KCNH7: variants seen among roughly 807,000 people sequenced by gnomAD.
The protein encoded by KCNH7 is potassium voltage-gated channel subfamily H member 7.
KCNH7 carries 49 observed loss-of-function variants against 120.8 expected under a neutral mutation model. That is an observed-to-expected ratio of 0.41 (90% CI 0.32 to 0.51). The LOEUF (loss-of-function observed/expected upper bound fraction) is 0.51, where lower values mean the gene tolerates loss of function less well. Ranked by LOEUF, KCNH7 falls within the 20% of genes least tolerant of loss-of-function variation. KCNH7 has a pLI of 0.38. For synonymous variants in KCNH7, 547 were observed against 516.1 expected, an observed-to-expected ratio of 1.06 and a Z score of -0.81; for missense variants, 1,097 against 1,446.6, an observed-to-expected ratio of 0.76 and a Z score of 3.92.
At chr2:162,674,782 C>G (rs1327804345) in intron 2 of KCNH7, among the ~76,000 whole-genome samples, 1 of 151,462 alleles carries the variant, frequency 6.6e-6, no homozygotes, top group Admixed American at 6.6e-5. Flanking sequence ...TCTATATATA[C>G]TTCAAAGCAC....
chr2:162,733,419 A>T (rs1042127181), intron 2 of KCNH7, among the ~76,000 whole-genome samples: 2 of 152,212 alleles, frequency 1.3e-5, no homozygotes, highest in African/African-American at 4.8e-5. Flanking sequence ...GAACTGGGAA[A>T]TATACCACAT....
chr2:162,670,940 CAT>C (rs951688778), intron 2 of KCNH7, among the ~76,000 whole-genome samples: 9 of 150,826 alleles, frequency 6.0e-5, no homozygotes, highest in African/African-American at 2.2e-4. Context: ...CAAAAGAAGA[CAT>C]ATAAGTGGCC....
At chr2:162,484,546 T>A (rs1690030602) in intron 6 of KCNH7, among the ~76,000 whole-genome samples, 1 of 152,164 alleles carries the variant, frequency 6.6e-6, no homozygotes, top group Admixed American at 6.5e-5. Context: ...AACTTATTCA[T>A]ACAATGTGCA....
At chr2:162,517,346 C>T (rs1691340071) in intron 4 of KCNH7, among the ~76,000 whole-genome samples, 1 of 151,830 alleles carries the variant, frequency 6.6e-6, no homozygotes, top group Non-Finnish European at 1.5e-5. Context: ...AACTAGCCCT[C>T]TGATGGCACA....
intron 2 of KCNH7, among the ~76,000 whole-genome samples, chr2:162,712,171 G>A (rs1167930782): frequency 6.6e-6 from 1 of 152,060 alleles, no homozygotes; most frequent in Non-Finnish European, 1.5e-5. Flanking sequence ...TGAATTCTTG[G>A]CATCTTTAGA....
chr2:162,700,128 G>C (rs1559088306), intron 2 of KCNH7, among the ~76,000 whole-genome samples: 1 of 151,994 alleles, frequency 6.6e-6, no homozygotes, highest in Non-Finnish European at 1.5e-5. Context: ...GGAAAACTTT[G>C]AGTGCTCCTC....
intron 2 of KCNH7, among the ~76,000 whole-genome samples, chr2:162,644,300 T>G (rs758576487): frequency 9.8e-5 from 15 of 152,316 alleles, no homozygotes; most frequent in Non-Finnish European, 1.9e-4. Flanking sequence ...TTTTAGTACA[T>G]TAAAGTTTTT....
At chr2:162,807,436 C>CA (rs1475025211) in intron 2 of KCNH7, among the ~76,000 whole-genome samples, 1 of 151,732 alleles carries the variant, frequency 6.6e-6, no homozygotes, top group Non-Finnish European at 1.5e-5. Context: ...GACTCTGTCT[C>CA]AAAAAACAAG....
chr2:162,466,940 T>A (rs1242805130), intron 6 of KCNH7, among the ~76,000 whole-genome samples: 3 of 152,180 alleles, frequency 2.0e-5, no homozygotes, highest in Non-Finnish European at 4.4e-5. Context: ...ATCAATGTAG[T>A]CAACCTTTGC....
chr2:162,372,582 A>G (rs1685995464), intron 15 of KCNH7, among the ~76,000 whole-genome samples: 1 of 147,986 alleles, frequency 6.8e-6, no homozygotes, highest in African/African-American at 2.7e-5. Flanking sequence ...AACTAGTTAA[A>G]TTAATTTCTA....
intron 2 of KCNH7, among the ~76,000 whole-genome samples, chr2:162,548,972 T>C (rs1219450782): frequency 6.6e-6 from 1 of 152,166 alleles, no homozygotes; most frequent in Non-Finnish European, 1.5e-5. Context: ...CCAATATTGA[T>C]TAACTGGGGA....
intron 9 of KCNH7, among the ~76,000 whole-genome samples, chr2:162,411,835 C>T (rs1348009770): frequency 6.6e-6 from 1 of 151,314 alleles, no homozygotes; most frequent in Non-Finnish European, 1.5e-5. Context: ...GAATCAAAAA[C>T]ACCCCAATAA....
intron 2 of KCNH7, among the ~76,000 whole-genome samples, chr2:162,725,279 C>T (rs1687473996): frequency 6.6e-6 from 1 of 151,872 alleles, no homozygotes; most frequent in African/African-American, 2.4e-5. Context: ...AATAGTATCA[C>T]ATTGATAAAA....
intron 2 of KCNH7, among the ~76,000 whole-genome samples, chr2:162,545,183 C>T (rs1017590374): frequency 1.3e-5 from 2 of 152,110 alleles, no homozygotes; most frequent in African/African-American, 2.4e-5. Context: ...CCGTAATTAA[C>T]CCAATTTAGG....
intron 6 of KCNH7, among the ~76,000 whole-genome samples, chr2:162,475,057 G>T (rs1362615225): frequency 6.6e-6 from 1 of 152,102 alleles, no homozygotes; most frequent in Non-Finnish European, 1.5e-5. Context: ...AAAACTGTGG[G>T]GTAACAAAGG....
chr2:162,566,363 T>C (rs1033198750), intron 2 of KCNH7, among the ~76,000 whole-genome samples: 2 of 152,046 alleles, frequency 1.3e-5, no homozygotes, highest in African/African-American at 4.8e-5. Context: ...GACTCGCAAG[T>C]GTTCAATAAA....
At chr2:162,378,758 T>C (rs1328200701) in intron 14 of KCNH7, among the ~76,000 whole-genome samples, 1 of 152,200 alleles carries the variant, frequency 6.6e-6, no homozygotes, top group East Asian at 1.9e-4. Context: ...CTTGGCTCCA[T>C]GTGTGCTGTA....
chr2:162,533,862 T>C (rs1692017781), intron 3 of KCNH7, among the ~76,000 whole-genome samples: 1 of 151,580 alleles, frequency 6.6e-6, no homozygotes, highest in African/African-American at 2.4e-5. Context: ...TGATATTCTG[T>C]AATATCACTT....
chr2:162,775,408 A>G (rs1683197972), intron 2 of KCNH7, among the ~76,000 whole-genome samples: 1 of 150,420 alleles, frequency 6.6e-6, no homozygotes, highest in Admixed American at 6.6e-5. Context: ...TTCTACTCAC[A>G]TGTTACCCTT....
Sources: allele counts gnomAD v4.1 joint callset (sites outside exome capture counted in the v4.1 genomes callset), GRCh38; gene constraint gnomAD v4.1.1; transcripts MANE v1.5; gene names NCBI Gene and HGNC (gene_info 2026-07-23, HGNC 2026-07-21).